RFX7: variants seen among roughly 807,000 people sequenced by gnomAD.
RFX7 encodes regulatory factor X7, also known as DNA-binding protein RFX7.
RFX7 carries 26 observed loss-of-function variants against 111.8 expected under a neutral mutation model. The ratio of observed to expected loss-of-function variants is 0.23; its 90% CI spans 0.17 to 0.32. The LOEUF (loss-of-function observed/expected upper bound fraction) is 0.32, where lower values mean the gene tolerates loss of function less well. Among genes scored for constraint, RFX7 ranks in the 10% least tolerant of loss-of-function variants. The pLI is 1.00. For synonymous variants in RFX7, 624 were observed against 624.4 expected (o/e 1.00, Z 0.01); for missense variants, 1,573 against 1,772.9 (o/e 0.89, Z 2.02).
At chr15:56,212,393 G>A (rs1428064892) in intron 2 of RFX7, among the ~76,000 whole-genome samples, 4 of 152,090 alleles carry the variant, frequency 2.6e-5, no homozygotes, top group Admixed American at 2.0e-4. Context: ...GACTTTTAGG[G>A]TAGTAAGCCT....
At position 56,095,923 on chromosome 15, in the gene RFX7, C is replaced by T; in HGVS notation, c.1805G>A (p.Cys602Tyr). 2 of 1,606,082 alleles carry T rather than the reference C, an allele frequency of 1.2e-6. No individual in the cohort carries two copies. The highest frequency in any genetic ancestry group is 1.1e-5 in the South Asian group (1 of 91,058). Residue 602 changes from cysteine to tyrosine, a missense_variant, in exon 10 of 10, where the codon TGT (cysteine) becomes TAT (tyrosine). Transcript: ENST00000559447. ...CAGCATTTCATTACAGCGACTTTTACATTTGGTCCTCTGGTCACAGACCTT... is the reference window on the plus strand; with the variant it reads ...CAGCATTTCATTACAGCGACTTTTATATTTGGTCCTCTGGTCACAGACCTT... ...ATKVCDQRTKCKSRCNEMLPG... is the reference protein window; with the variant it reads ...ATKVCDQRTKYKSRCNEMLPG...
In RFX7 at chr15:56,103,562, G is replaced by A; in HGVS notation, c.510C>T (p.Gly170=). 6.3e-7 allele frequency: 1 copy of A among 1,599,182 alleles called. No homozygotes were observed. Among genetic ancestry groups the A allele is most frequent in the South Asian group, 1.1e-5 (1 of 88,556 alleles). The change falls in exon 6 of 10, where the codon GGC becomes GGT. Residue 170 remains glycine, a synonymous_variant. Transcript: ENST00000559447. ...ATTCTGGTAAAGGATATTTAGATTT[G>A]CCTCTTGTGCCCAAACGACGTGCCT... is the stretch of plus-strand genomic sequence containing the variant. ...NMKARRLGTR[G]KSKYCYSGLR...
intron 5 of RFX7, among the ~76,000 whole-genome samples, chr15:56,109,369 G>A (rs1384055538): frequency 6.6e-6 from 1 of 152,250 alleles, no homozygotes; most frequent in Admixed American, 6.5e-5. Flanking sequence ...CCAGGCTGGA[G>A]TGCAGTGGCG....
rs1325467295 is a variant in RFX7 at position 56,142,765 on chromosome 15, A to G, written c.401+13T>C. On this transcript the variant is annotated intron_variant, in intron 5 of 9. Coordinates refer to ENST00000559447, the MANE Select transcript of RFX7 (RefSeq NM_022841.7). Reference sequence around the variant, plus strand: ...TTAATATATCAGCATGCCATATTACACATACTACTTACTTGTACTCATCAT... The same window carrying G: ...TTAATATATCAGCATGCCATATTACGCATACTACTTACTTGTACTCATCAT... 2 of 1,610,842 alleles carry G rather than the reference A, an allele frequency of 1.2e-6. No homozygotes were observed. Among genetic ancestry groups the G allele is most frequent in the Non-Finnish European group, 1.7e-6 (2 of 1,178,078 alleles).
intron 5 of RFX7, among the ~76,000 whole-genome samples, chr15:56,137,416 G>C (rs1416582389): frequency 6.6e-6 from 1 of 152,186 alleles, no homozygotes; most frequent in Non-Finnish European, 1.5e-5. Context: ...GGTGTTTGTA[G>C]TATTCTCTGA....
intron 3 of RFX7, among the ~76,000 whole-genome samples, chr15:56,147,309 A>T (rs1360221943): frequency 6.6e-6 from 1 of 152,180 alleles, no homozygotes; most frequent in African/African-American, 2.4e-5. Context: ...TGAACCTTGA[A>T]AACATCGTGC....
At chr15:56,228,763 G>T (rs1478281274) in intron 2 of RFX7, among the ~76,000 whole-genome samples, 2 of 152,030 alleles carry the variant, frequency 1.3e-5, no homozygotes, top group Admixed American at 6.6e-5. Context: ...AAATAAAGTA[G>T]TCCCCCCTCA....
At chr15:56,227,514 T>C (rs2043498072) in intron 2 of RFX7, among the ~76,000 whole-genome samples, 1 of 152,178 alleles carries the variant, frequency 6.6e-6, no homozygotes, top group Non-Finnish European at 1.5e-5. Flanking sequence ...CAATTACACT[T>C]CCTTTATTAA....
At chr15:56,232,880 A>G (rs889847600) in intron 2 of RFX7, among the ~76,000 whole-genome samples, 1 of 152,162 alleles carries the variant, frequency 6.6e-6, no homozygotes, top group Non-Finnish European at 1.5e-5. Context: ...TTCACTGTCC[A>G]TATTATTATC....
intron 5 of RFX7, among the ~76,000 whole-genome samples, chr15:56,111,356 C>G (rs1219024321): frequency 2.0e-5 from 3 of 152,000 alleles, no homozygotes; most frequent in African/African-American, 7.2e-5. Flanking sequence ...ACCCCCAACC[C>G]GGTGCTCTCT....
At chr15:56,190,176 T>C (rs1206176380) in intron 2 of RFX7, among the ~76,000 whole-genome samples, 1 of 152,210 alleles carries the variant, frequency 6.6e-6, no homozygotes, top group Non-Finnish European at 1.5e-5. Context: ...AAAGTATCTG[T>C]CTCAGGATGA....
chr15:56,112,654 T>C (rs2041955572), intron 5 of RFX7, among the ~76,000 whole-genome samples: 1 of 152,070 alleles, frequency 6.6e-6, no homozygotes. Flanking sequence ...AACTGACAAC[T>C]GGGATCTAGT....
intron 5 of RFX7, among the ~76,000 whole-genome samples, chr15:56,139,109 T>C (rs2042349749): frequency 1.3e-5 from 2 of 152,158 alleles, no homozygotes; most frequent in African/African-American, 4.8e-5. Context: ...GTTGCTCTTC[T>C]CGAGGAGTAT....
At chr15:56,210,506 C>G (rs1270155565) in intron 2 of RFX7, among the ~76,000 whole-genome samples, 1 of 150,808 alleles carries the variant, frequency 6.6e-6, no homozygotes, top group Non-Finnish European at 1.5e-5. Flanking sequence ...AAAAACAGCA[C>G]ATTCTTCTCA....
chr15:56,157,166 A>G (rs1176494465), intron 3 of RFX7, among the ~76,000 whole-genome samples: 1 of 152,196 alleles, frequency 6.6e-6, no homozygotes, highest in African/African-American at 2.4e-5. Context: ...TAGCCTGTCT[A>G]TTCACTTTGT....
chr15:56,226,550 G>A (rs1413235903), intron 2 of RFX7, among the ~76,000 whole-genome samples: 2 of 152,074 alleles, frequency 1.3e-5, no homozygotes, highest in East Asian at 1.9e-4. Flanking sequence ...GCCAAAGACT[G>A]GGCACTTAAT....
intron 5 of RFX7, among the ~76,000 whole-genome samples, chr15:56,112,893 A>T (rs1275666058): frequency 6.6e-6 from 1 of 152,250 alleles, no homozygotes; most frequent in Non-Finnish European, 1.5e-5. Flanking sequence ...CAACAAAAAT[A>T]TGAAAAAAAT....
chr15:56,129,584 T>A, intron 5 of RFX7, among the ~76,000 whole-genome samples: 1 of 152,312 alleles, frequency 6.6e-6, no homozygotes, highest in Middle Eastern at 3.4e-3. Flanking sequence ...CAGTATACTT[T>A]CAACATTTCT....
intron 5 of RFX7, among the ~76,000 whole-genome samples, chr15:56,109,749 G>A (rs1287522892): frequency 6.6e-6 from 1 of 151,648 alleles, no homozygotes; most frequent in East Asian, 2.0e-4. Context: ...CGTCTGAGAA[G>A]TGAGGAGACC....
Sources: gnomAD v4.1 joint callset for allele counts (sites outside exome capture counted in the v4.1 genomes callset) on GRCh38, gnomAD v4.1.1 for gene constraint, MANE v1.5 for transcripts, NCBI Gene and HGNC (gene_info 2026-07-23, HGNC 2026-07-21) for gene names.